EYA1: variants seen among roughly 807,000 people sequenced by gnomAD.
EYA1 encodes EYA transcriptional coactivator and phosphatase 1, also known as protein phosphatase EYA1.
EYA1 carries 16 observed loss-of-function variants against 82.0 expected under a neutral mutation model. The observed-to-expected ratio is 0.20, with a 90% CI of 0.13 to 0.30. The LOEUF (loss-of-function observed/expected upper bound fraction) is 0.30. Ranked by LOEUF, EYA1 falls within the 10% of genes least tolerant of loss-of-function variation. The pLI is 1.00. For missense variants in EYA1, 633 were observed against 730.7 expected (o/e 0.87, Z 1.54); for synonymous variants, 261 against 264.4 (o/e 0.99, Z 0.12).
chr8:71,362,175 T>G, upstream of EYA1: 1 of 979,084 alleles, frequency 1.0e-6, no homozygotes, highest in Admixed American at 6.4e-5. Flanking sequence ...TTTTTTTTTT[T>G]TTTTTGGTTT....
chr8:71,466,788 T>C (rs1808802055), intron 2 of EYA1, among the ~76,000 whole-genome samples: 1 of 152,128 alleles, frequency 6.6e-6, no homozygotes, highest in South Asian at 2.1e-4. Flanking sequence ...GAAGAAACTT[T>C]GGAGAAAAAG....
At chr8:71,357,973 C>CTTT (rs747409634) in intron 1 of EYA1, among the ~76,000 whole-genome samples, 7 of 143,956 alleles carry the variant, frequency 4.9e-5, no homozygotes, top group Non-Finnish European at 7.7e-5. Context: ...TTTCCTTTTT[C>CTTT]TTTTTTTTTT....
intron 2 of EYA1, among the ~76,000 whole-genome samples, chr8:71,465,736 G>A (rs1808723352): frequency 6.6e-6 from 1 of 152,194 alleles, no homozygotes; most frequent in Non-Finnish European, 1.5e-5. Flanking sequence ...TGGTTTGAAT[G>A]TGTCCCCTCC....
At chr8:71,282,342 C>G (rs1817902868) in intron 9 of EYA1, among the ~76,000 whole-genome samples, 1 of 152,220 alleles carries the variant, frequency 6.6e-6, no homozygotes, top group South Asian at 2.1e-4. Context: ...TACTGCCTTA[C>G]AGTGTACAGC....
intron 12 of EYA1, among the ~76,000 whole-genome samples, chr8:71,218,213 T>C (rs1033093297): frequency 1.3e-5 from 2 of 152,250 alleles, no homozygotes; most frequent in Non-Finnish European, 2.9e-5. Context: ...GGTCTGGTCA[T>C]GTTTCAGATA....
chr8:71,544,781 A>C (rs893962290), intron 1 of EYA1, among the ~76,000 whole-genome samples: 1 of 152,170 alleles, frequency 6.6e-6, no homozygotes, highest in Non-Finnish European at 1.5e-5. Flanking sequence ...GCTTAGGGAT[A>C]TTCAAATTCT....
intron 9 of EYA1, among the ~76,000 whole-genome samples, chr8:71,287,883 T>C (rs1818559328): frequency 6.6e-6 from 1 of 152,250 alleles, no homozygotes; most frequent in Admixed American, 6.5e-5. Context: ...GTCACTTTGC[T>C]AGCCACTTAC....
intron 2 of EYA1, among the ~76,000 whole-genome samples, chr8:71,423,423 C>T (rs780064065): frequency 2.6e-5 from 4 of 152,212 alleles, no homozygotes; most frequent in Non-Finnish European, 5.9e-5. Flanking sequence ...TGATCCATCA[C>T]GTTCTAATGG....
intron 17 of EYA1, among the ~76,000 whole-genome samples, chr8:71,207,541 G>A (rs927471447): frequency 2.6e-5 from 4 of 152,084 alleles, no homozygotes; most frequent in Admixed American, 6.5e-5. Context: ...CTCTTGTCAC[G>A]TACAGTCATC....
chr8:71,308,081 T>C (rs769479586), intron 7 of EYA1, among the ~76,000 whole-genome samples: 1 of 152,174 alleles, frequency 6.6e-6, no homozygotes, highest in Non-Finnish European at 1.5e-5. Flanking sequence ...ATTCAAAAAG[T>C]AGAGGATGGA....
intron 3 of EYA1, chr8:71,334,385 G>A: frequency 6.4e-6 from 4 of 620,988 alleles, no homozygotes; most frequent in South Asian, 3.4e-5. Context: ...ATTGTCACAA[G>A]TTACCCTTTA....
chr8:71,517,718 T>TAG (rs1055245281), intron 2 of EYA1, among the ~76,000 whole-genome samples: 1 of 147,844 alleles, frequency 6.8e-6, no homozygotes, highest in Non-Finnish European at 1.5e-5. Context: ...TATATATATA[T>TAG]ATATATATAA....
At chr8:71,523,940 TG>T (rs1469776188) in intron 2 of EYA1, among the ~76,000 whole-genome samples, 1 of 152,246 alleles carries the variant, frequency 6.6e-6, no homozygotes, top group African/African-American at 2.4e-5. Context: ...GATCTGATTT[TG>T]TTAGTCCCCA....
intron 2 of EYA1, among the ~76,000 whole-genome samples, chr8:71,512,208 G>C (rs868170954): frequency 6.6e-6 from 1 of 152,140 alleles, no homozygotes; most frequent in Non-Finnish European, 1.5e-5. Context: ...TAATTTTTCA[G>C]AGTGGCTTCC....
At chr8:71,454,141 C>T (rs969104928) in intron 2 of EYA1, among the ~76,000 whole-genome samples, 1 of 152,116 alleles carries the variant, frequency 6.6e-6, no homozygotes, top group African/African-American at 2.4e-5. Flanking sequence ...ATAAAACAGA[C>T]TTTAAACCAA....
At chr8:71,244,775 T>C (rs966212646) in intron 11 of EYA1, 83 bp from the exon 12 acceptor site, 29 of 820,778 alleles carry the variant, frequency 3.5e-5, no homozygotes, top group Admixed American at 1.0e-4. Context: ...GAAGCAGGCA[T>C]TGGGAGAGGC....
chr8:71,257,663 T>C (rs1313901826), intron 11 of EYA1, among the ~76,000 whole-genome samples: 1 of 152,206 alleles, frequency 6.6e-6, no homozygotes, highest in Non-Finnish European at 1.5e-5. Context: ...CTATTCACTC[T>C]ATTCATTTTT....
intron 12 of EYA1, 129 bp downstream of exon 12, chr8:71,244,474 G>GT: frequency 1.6e-6 from 1 of 615,542 alleles, no homozygotes; most frequent in South Asian, 1.8e-5. Context: ...AAAACACATT[G>GT]CCATATTACC....
intron 3 of EYA1, among the ~76,000 whole-genome samples, chr8:71,336,739 T>C (rs1824533072): frequency 6.6e-6 from 1 of 152,148 alleles, no homozygotes; most frequent in African/African-American, 2.4e-5. Context: ...ATCTATACAC[T>C]AAGGAATAAA....
Sources: gnomAD v4.1 joint callset for allele counts (sites outside exome capture counted in the v4.1 genomes callset) on GRCh38, gnomAD v4.1.1 for gene constraint, MANE v1.5 for transcripts, NCBI Gene and HGNC (gene_info 2026-07-23, HGNC 2026-07-21) for gene names.